The following MIR2052HG variants were observed in gnomAD, a reference collection of about 807,000 sequenced individuals.
The protein encoded by MIR2052HG is MIR2052 host gene.
intron 2 of MIR2052HG, among the ~76,000 whole-genome samples, chr8:74,679,517 TTTACTATTATTATTA>T (rs1809095652): frequency 1.6e-5 from 2 of 127,420 alleles, no homozygotes; most frequent in South Asian, 5.2e-4. Flanking sequence ...ATTTGGCTTG[TTTACTATTATTATTA>T]TTATTATTAT....
rs1186826090 is a variant in MIR2052HG, at chr8:74,671,030, T to A, written n.217-31349T>A. ...TTTATGAATCACTTTCTAGGAAAGA[T>A]AAATGTAGACAAGTGATCTCTAACC... On this transcript the variant is annotated intron_variant and non_coding_transcript_variant, in intron 2 of 6. Transcript: ENST00000523442. Among the ~76,000 whole-genome samples the A allele has an allele frequency of 5.3e-5, 8 of 151,942 alleles. No homozygotes were observed. In the South Asian group the frequency reaches 1.7e-3, roughly 31 times the overall value.
At chr8:74,734,492 C>G (rs546594410) in intron 4 of MIR2052HG, among the ~76,000 whole-genome samples, 1 of 152,304 alleles carries the variant, frequency 6.6e-6, no homozygotes, top group East Asian at 1.9e-4. Context: ...GATTTGGAAT[C>G]TTCTGATATC....
At chr8:74,604,038 G>A (rs1808069227) in intron 1 of MIR2052HG, 2 of 971,720 alleles carry the variant, frequency 2.1e-6, no homozygotes. Context: ...CAAAGCCTTT[G>A]AAGACGGCAT....
intron 2 of MIR2052HG, among the ~76,000 whole-genome samples, chr8:74,630,520 A>G (rs1456055375): frequency 3.7e-5 from 4 of 108,654 alleles, no homozygotes; most frequent in African/African-American, 1.5e-4. Context: ...GTGCAAAAAG[A>G]TTTCTCTGAA....
At chr8:74,651,466 G>C (rs1307364230) in intron 2 of MIR2052HG, among the ~76,000 whole-genome samples, 1 of 151,976 alleles carries the variant, frequency 6.6e-6, no homozygotes, top group Non-Finnish European at 1.5e-5. Flanking sequence ...TAATAAAATA[G>C]TATAACATTT....
intron 1 of MIR2052HG, chr8:74,609,737 A>C (rs1488198854): frequency 1.3e-5 from 2 of 148,668 alleles, no homozygotes; most frequent in Admixed American, 1.3e-4. Flanking sequence ...ATAATAAATA[A>C]ATAATAATAA....
In MIR2052HG at chr8:74,732,509, A is replaced by G. The variant is rs368460782; in HGVS notation, n.372-19932A>G. On this transcript the variant is annotated intron_variant and non_coding_transcript_variant, in intron 4 of 6. Coordinates refer to ENST00000523442, the Ensembl canonical transcript of MIR2052HG. ...AGGGTGCTGGGGATTACTTATTAAC[A>G]AGACAGACACATTCCTATCCTTACA... Among the ~76,000 whole-genome samples the G allele has an allele frequency of 1.7e-4, 26 of 152,330 alleles. 1 individual carries two copies. The East Asian group carries it at 4.6e-3, about 27-fold the overall frequency.
At chr8:74,723,295 T>G (rs1444183512) in intron 4 of MIR2052HG, among the ~76,000 whole-genome samples, 1 of 152,220 alleles carries the variant, frequency 6.6e-6, no homozygotes, top group Non-Finnish European at 1.5e-5. Context: ...TACACAGCAT[T>G]TATCAGTGAT....
intron 2 of MIR2052HG, among the ~76,000 whole-genome samples, chr8:74,658,885 T>A (rs2128736786): frequency 6.6e-6 from 1 of 152,328 alleles, no homozygotes; most frequent in Non-Finnish European, 1.5e-5. Context: ...AGGCAAGTTG[T>A]TTTAACTGGA....
At chr8:74,746,619 G>C (rs1809890449) in intron 4 of MIR2052HG, among the ~76,000 whole-genome samples, 1 of 117,106 alleles carries the variant, frequency 8.5e-6, no homozygotes, top group Non-Finnish European at 2.0e-5. Flanking sequence ...GAGGAGGGAG[G>C]AAGAGAGAAT....
intron 2 of MIR2052HG, among the ~76,000 whole-genome samples, chr8:74,681,060 T>C (rs1383060644): frequency 7.2e-5 from 7 of 96,898 alleles, no homozygotes; most frequent in Admixed American, 1.4e-4. Flanking sequence ...CTGGGGACTG[T>C]TGTGGGGTGG....
chr8:74,752,459 C>G (rs869076718), exon 5 of MIR2052HG: 4 of 451,784 alleles, frequency 8.9e-6, no homozygotes, highest in African/African-American at 8.3e-5. Flanking sequence ...TCAGTCCAGC[C>G]ACCAGATCAA....
rs1808327332 is a variant in MIR2052HG at position 74,619,223 on chromosome 8, T to C, written n.216+6283T>C. On this transcript the variant is annotated intron_variant and non_coding_transcript_variant, in intron 2 of 6. Transcript: ENST00000523442. ...AAAGCAATATACAAATAAAATTCAA[T>C]CCCTATCAAAATTCTGATGACATTT... 2.0e-5 allele frequency among the ~76,000 whole-genome samples: 3 copies of C among 151,702 alleles called. No homozygotes were observed. In the South Asian group the frequency reaches 6.3e-4, roughly 32 times the overall value.
intron 4 of MIR2052HG, among the ~76,000 whole-genome samples, chr8:74,703,994 A>G (rs1184135901): frequency 6.6e-6 from 1 of 151,964 alleles, no homozygotes; most frequent in Non-Finnish European, 1.5e-5. Context: ...AGGAGTAGTT[A>G]TATTTTGGGT....
At chr8:74,698,218 A>G (rs967776798) in intron 2 of MIR2052HG, among the ~76,000 whole-genome samples, 15 of 152,194 alleles carry the variant, frequency 9.9e-5, no homozygotes, top group African/African-American at 3.4e-4. Context: ...TTAACAGCCA[A>G]CTTATCTTTA....
intron 4 of MIR2052HG, among the ~76,000 whole-genome samples, chr8:74,716,576 G>A (rs1809523608): frequency 6.6e-6 from 1 of 152,048 alleles, no homozygotes; most frequent in South Asian, 2.1e-4. Flanking sequence ...TGGGTGTGGT[G>A]GTGCGCACCT....
At chr8:74,677,535 G>A (rs1245450001) in intron 2 of MIR2052HG, among the ~76,000 whole-genome samples, 1 of 151,902 alleles carries the variant, frequency 6.6e-6, no homozygotes, top group Non-Finnish European at 1.5e-5. Context: ...GAAGTAAATT[G>A]CAACAAAAAT....
intron 2 of MIR2052HG, among the ~76,000 whole-genome samples, chr8:74,686,890 G>T (rs1809187121): frequency 6.6e-6 from 1 of 152,080 alleles, no homozygotes; most frequent in Admixed American, 6.6e-5. Flanking sequence ...ATAGGTTTTT[G>T]ATAATCTGTT....
At chr8:74,662,783 A>G (rs889708510) in intron 2 of MIR2052HG, among the ~76,000 whole-genome samples, 5 of 151,772 alleles carry the variant, frequency 3.3e-5, no homozygotes, top group African/African-American at 1.2e-4. Flanking sequence ...TTATGTGGGC[A>G]CTTTTGGTTC....
Sources: gnomAD v4.1 joint callset for allele counts (sites outside exome capture counted in the v4.1 genomes callset) on GRCh38, gnomAD v4.1.1 for gene constraint, MANE v1.5 for transcripts, NCBI Gene and HGNC (gene_info 2026-07-23, HGNC 2026-07-21) for gene names.